Variants in ZNF804B observed in about 807,000 individuals in gnomAD.
ZNF804B encodes the protein zinc finger 804B.
A neutral mutation model predicts 101.4 loss-of-function variants in ZNF804B; 80 were observed. The observed-to-expected ratio is 0.79, with a 90% confidence interval of 0.66 to 0.95. The LOEUF (loss-of-function observed/expected upper bound fraction) is 0.95. ZNF804B is among the 40% of genes least tolerant of loss of function. The pLI is 0.00. For synonymous variants in ZNF804B, 622 were observed against 558.8 expected (o/e 1.11, Z -1.59); for missense variants, 1,673 against 1,561.9 (o/e 1.07, Z -1.20).
At chr7:89,047,333 G>A (rs931579048) in intron 1 of ZNF804B, among the ~76,000 whole-genome samples, 1 of 152,074 alleles carries the variant, frequency 6.6e-6, no homozygotes, top group African/African-American at 2.4e-5. Flanking sequence ...CCAGATTATA[G>A]GGAAACTTAC....
chr7:88,875,866 A>G (rs1292184022), intron 1 of ZNF804B, among the ~76,000 whole-genome samples: 1 of 152,190 alleles, frequency 6.6e-6, no homozygotes, highest in Non-Finnish European at 1.5e-5. Flanking sequence ...AAAAAAGAGA[A>G]TTTTAGACCA....
chr7:89,315,496 T>C (rs1790710993), intron 2 of ZNF804B, among the ~76,000 whole-genome samples: 1 of 152,180 alleles, frequency 6.6e-6, no homozygotes, highest in South Asian at 2.1e-4. Context: ...GCTTTTCTTT[T>C]TAAAATATTG....
chr7:88,928,384 A>G (rs1291031948), intron 1 of ZNF804B, among the ~76,000 whole-genome samples: 1 of 152,174 alleles, frequency 6.6e-6, no homozygotes, highest in Non-Finnish European at 1.5e-5. Flanking sequence ...ACAAAGTAGC[A>G]TTATACAGTT....
At chr7:89,048,028 A>G (rs1250286909) in intron 1 of ZNF804B, among the ~76,000 whole-genome samples, 1 of 151,342 alleles carries the variant, frequency 6.6e-6, no homozygotes, top group African/African-American at 2.4e-5. Flanking sequence ...TTTAGTGGTG[A>G]TTTTGGTGCA....
intron 1 of ZNF804B, among the ~76,000 whole-genome samples, chr7:89,072,080 A>G (rs1349644360): frequency 2.6e-5 from 4 of 152,124 alleles, no homozygotes; most frequent in Non-Finnish European, 4.4e-5. Context: ...TCTGACTTTT[A>G]GCTCTTCTCT....
intron 1 of ZNF804B, among the ~76,000 whole-genome samples, chr7:89,039,174 C>T (rs1255427741): frequency 6.6e-6 from 1 of 151,738 alleles, no homozygotes; most frequent in African/African-American, 2.4e-5. Flanking sequence ...TTTTATACTA[C>T]TTTTAGGAAT....
chr7:89,290,312 ACTT>A (rs1790267138), intron 2 of ZNF804B, among the ~76,000 whole-genome samples: 1 of 152,060 alleles, frequency 6.6e-6, no homozygotes, highest in African/African-American at 2.4e-5. Flanking sequence ...GTGAGAGAGA[ACTT>A]CTGCTTGAGA....
intron 2 of ZNF804B, among the ~76,000 whole-genome samples, chr7:89,243,865 G>T (rs1162549340): frequency 6.6e-6 from 1 of 151,764 alleles, no homozygotes; most frequent in Non-Finnish European, 1.5e-5. Flanking sequence ...GTAAACCAAG[G>T]ATCAATGCTT....
chr7:89,171,442 C>G (rs1791236318), intron 1 of ZNF804B, among the ~76,000 whole-genome samples: 1 of 146,688 alleles, frequency 6.8e-6, no homozygotes, highest in African/African-American at 2.5e-5. Context: ...CCTTCTCCTT[C>G]TTCTTCTTCT....
intron 1 of ZNF804B, among the ~76,000 whole-genome samples, chr7:88,887,217 T>C (rs1792140839): frequency 6.6e-6 from 1 of 152,230 alleles, no homozygotes; most frequent in South Asian, 2.1e-4. Context: ...GTGATGTTTG[T>C]TGGCCATTTG....
chr7:89,042,513 C>G (rs765770428), intron 1 of ZNF804B, among the ~76,000 whole-genome samples: 1 of 152,086 alleles, frequency 6.6e-6, no homozygotes, highest in Non-Finnish European at 1.5e-5. Context: ...ACTACTGATA[C>G]TGAGTCAAAT....
chr7:89,158,469 T>C (rs1377429137), intron 1 of ZNF804B, among the ~76,000 whole-genome samples: 2 of 152,096 alleles, frequency 1.3e-5, no homozygotes, highest in Non-Finnish European at 2.9e-5. Context: ...TCAGGACCAT[T>C]GTGTCAATTC....
intron 2 of ZNF804B, among the ~76,000 whole-genome samples, chr7:89,233,687 G>A (rs1373763517): frequency 5.9e-5 from 9 of 151,600 alleles, no homozygotes; most frequent in African/African-American, 9.7e-5. Context: ...TGCCCAGGCC[G>A]GAGTGCAATG....
chr7:89,009,996 C>A (rs1788431100), intron 1 of ZNF804B, among the ~76,000 whole-genome samples: 1 of 152,108 alleles, frequency 6.6e-6, no homozygotes. Context: ...CTAAATCTAT[C>A]ACCAAATTCT....
chr7:89,035,113 A>C (rs1432534224), intron 1 of ZNF804B, among the ~76,000 whole-genome samples: 1 of 152,166 alleles, frequency 6.6e-6, no homozygotes, highest in Admixed American at 6.6e-5. Context: ...GTATTTTAGA[A>C]GACGAGATTT....
At chr7:89,216,045 T>C (rs1008724029) in intron 1 of ZNF804B, among the ~76,000 whole-genome samples, 3 of 152,282 alleles carry the variant, frequency 2.0e-5, no homozygotes, top group South Asian at 2.1e-4. Context: ...GGCTCACGCC[T>C]ATAATGCCAG....
At chr7:88,832,440 G>T (rs900037203) in intron 1 of ZNF804B, among the ~76,000 whole-genome samples, 1 of 151,878 alleles carries the variant, frequency 6.6e-6, no homozygotes, top group East Asian at 1.9e-4. Context: ...TGGAAGATGC[G>T]CATGGCTTGT....
intron 3 of ZNF804B, among the ~76,000 whole-genome samples, chr7:89,328,252 A>C (rs1790926834): frequency 6.6e-6 from 1 of 151,962 alleles, no homozygotes; most frequent in African/African-American, 2.4e-5. Context: ...TCAATTAGTT[A>C]CCACAAAATA....
At chr7:89,292,206 A>C (rs1328762701) in intron 2 of ZNF804B, among the ~76,000 whole-genome samples, 1 of 152,150 alleles carries the variant, frequency 6.6e-6, no homozygotes, top group Non-Finnish European at 1.5e-5. Context: ...AATCATGTGA[A>C]GGTATAAAAC....
Sources: allele counts gnomAD v4.1 joint callset (sites outside exome capture counted in the v4.1 genomes callset), GRCh38; gene constraint gnomAD v4.1.1; transcripts MANE v1.5; gene names NCBI Gene and HGNC (gene_info 2026-07-23, HGNC 2026-07-21).